Variants in CD22 observed in about 807,000 individuals in gnomAD.
The protein encoded by CD22 is B-cell receptor CD22.
A neutral mutation model predicts 94.7 loss-of-function variants in CD22; 51 were observed. The observed-to-expected ratio is 0.54, with a 90% CI of 0.43 to 0.68. CD22 has a LOEUF of 0.68. Ranked by LOEUF, CD22 falls within the 30% of genes least tolerant of loss-of-function variation. CD22 has a pLI of 0.00. For missense variants in CD22, 931 were observed against 1,060.4 expected, an observed-to-expected ratio of 0.88 and a Z score of 1.69; for synonymous variants, 424 against 422.5, an observed-to-expected ratio of 1.00 and a Z score of -0.04.
At position 35,341,169 on chromosome 19, in the gene CD22, G is replaced by A. The variant is rs746831747; in HGVS notation, c.1507+31G>A. 1 of 1,612,572 alleles carries A rather than the reference G, an allele frequency of 6.2e-7. No individual in the cohort carries two copies. Among genetic ancestry groups the A allele is most frequent in the Non-Finnish European group, 8.5e-7 (1 of 1,178,706 alleles). On this transcript the variant is annotated intron_variant, in intron 7 of 13. Transcript: ENST00000085219. The surrounding 1 kb of genome is among the most constrained non-coding windows in gnomAD (Gnocchi z 4.0). ...TCCCTGGGCTAGGCAGGGGGATCTGGGAGGTGGCCCGGCTGGGATGAGGGG... is the reference window on the plus strand; with the variant it reads ...TCCCTGGGCTAGGCAGGGGGATCTGAGAGGTGGCCCGGCTGGGATGAGGGG...
At chr19:35,343,054 T>C (rs939553507) in intron 9 of CD22, among the ~76,000 whole-genome samples, 1 of 151,230 alleles carries the variant, frequency 6.6e-6, no homozygotes, top group African/African-American at 2.4e-5. Context: ...CGCCTCGGCC[T>C]TCCAAAGTGC....
Position 35,341,124 on chromosome 19 carries a change from C to T in CD22, c.1493C>T (p.Ala498Val). 6.2e-7 allele frequency: 1 copy of T among 1,614,166 alleles called. No homozygotes were observed. The highest frequency in any genetic ancestry group is 8.5e-7 in the Non-Finnish European group (1 of 1,180,026). ...NSWCSWASPVALNVQYAPRDV... is the reference protein window; with the variant it reads ...NSWCSWASPVVLNVQYAPRDV... ...TGGTGCTCGTGGGCCTCCCCTGTCG[C>T]CCTGAATGTCCAGTGTGAGTCCCTG... Residue 498 changes from alanine (A) to valine (V), a missense_variant, in exon 7 of 14, where the codon GCC becomes GTC. Coordinates refer to ENST00000085219, the MANE Select transcript of CD22 (RefSeq NM_001771.4). The surrounding 1 kb of genome is among the most constrained non-coding windows in gnomAD (Gnocchi z 4.0).
chr19:35,335,233 G>C (rs961046421), intron 3 of CD22, among the ~76,000 whole-genome samples: 1 of 148,914 alleles, frequency 6.7e-6, no homozygotes, highest in Non-Finnish European at 1.5e-5. Context: ...AGGGGATTTC[G>C]GGTGAGCAAA....
Position 35,341,684 on chromosome 19 carries a change from C to T in CD22, c.1772-18C>T, listed in dbSNP as rs376242226. 11 of 1,606,922 alleles carry T rather than the reference C, an allele frequency of 6.8e-6. No homozygotes were observed. The highest frequency in any genetic ancestry group is 1.1e-5 in the South Asian group (1 of 90,844). ...CCTGGTAGTGACTTCGCACCCCCTCCCCCTGCCCGCCATGCAGATGCACCC... is the reference window on the plus strand; with the variant it reads ...CCTGGTAGTGACTTCGCACCCCCTCTCCCTGCCCGCCATGCAGATGCACCC... On this transcript the variant is annotated intron_variant, in intron 8 of 13. Transcript: ENST00000085219. The surrounding 1 kb of genome is among the most constrained non-coding windows in gnomAD (Gnocchi z 4.0).
rs1445754345 is a variant in CD22, at chr19:35,341,592, C to T, written c.1757C>T (p.Thr586Ile). 1.2e-6 allele frequency: 2 copies of T among 1,611,682 alleles called. No individual in the cohort carries two copies. The highest frequency in any genetic ancestry group is 1.7e-5 in the Admixed American group (1 of 59,992). Residue 586 changes from threonine (T) to isoleucine (I), a missense_variant, in exon 8 of 14, where the codon ACA (threonine) becomes ATA (isoleucine). Physicochemically the swap from Thr to Ile is moderately conservative, Grantham distance 89 (BLOSUM62 -1). Transcript: ENST00000085219. This position sits in a 1 kb window ranked among gnomAD's most constrained non-coding sequence, Gnocchi z 4.0. ...SIGQTASKAW[T>I]LEVLYAPRRL... The stretch of plus-strand genomic sequence containing the variant: ...GGACAGACAGCGTCCAAGGCCTGGA[C>T]ACTTGAAGTGCTGTGTGAGTGAGGG...
At position 35,338,258 on chromosome 19, in the gene CD22, C is replaced by A; in HGVS notation, c.1076C>A (p.Pro359His). The A allele has an allele frequency of 2.5e-6, 4 of 1,614,260 alleles. No individual in the cohort carries two copies. The highest frequency in any genetic ancestry group is 3.4e-6 in the Non-Finnish European group (4 of 1,180,046). ...TTTCTTTGCATGTCACTGGCCAATC[C>A]TCTTCCAACAAATTACACGTGGTAC... is the stretch of plus-strand genomic sequence containing the variant. Reference protein sequence around the residue: ...VEFLCMSLANPLPTNYTWYHN... With the variant: ...VEFLCMSLANHLPTNYTWYHN... The change falls in exon 6 of 14, where the codon CCT (proline) becomes CAT (histidine). Residue 359 changes from proline to histidine, a missense_variant. By Grantham distance (77) the Pro-to-His change is moderately conservative. Coordinates refer to ENST00000085219, the MANE Select transcript of CD22 (RefSeq NM_001771.4).
In CD22 at chr19:35,341,367, G is replaced by A. The variant is rs778982185; in HGVS notation, c.1532G>A (p.Arg511Gln). 7.4e-6 allele frequency: 12 copies of A among 1,613,548 alleles called. No individual in the cohort carries two copies. Among genetic ancestry groups the A allele is most frequent in the Admixed American group, 5.0e-5 (3 of 59,946 alleles). ...GATGCCCCCCGAGACGTGAGGGTCC[G>A]GAAAATCAAGCCCCTTTCCGAGATT... Reference protein sequence around the residue: ...VQYAPRDVRVRKIKPLSEIHS... With the variant: ...VQYAPRDVRVQKIKPLSEIHS... The change falls in exon 8 of 14, where the codon CGG (arginine) becomes CAG (glutamine). Residue 511 changes from arginine (R) to glutamine (Q), a missense_variant. Arg to Gln is a conservative substitution (Grantham distance 43). Transcript: ENST00000085219. This position sits in a 1 kb window ranked among gnomAD's most constrained non-coding sequence, Gnocchi z 4.0.
Position 35,341,935 on chromosome 19 carries a change from C to T in CD22, c.2005C>T (p.Arg669Cys), listed in dbSNP as rs749980313. The T allele has an allele frequency of 2.7e-5, 43 of 1,613,484 alleles. No individual in the cohort carries two copies. Among genetic ancestry groups the T allele is most frequent in the East Asian group, 4.5e-5 (2 of 44,878 alleles). Residue 669 changes from arginine (R) to cysteine (C), a missense_variant, in exon 9 of 14, where the codon CGT becomes TGT. Physicochemically the swap from Arg to Cys is radical, Grantham distance 180. Transcript: ENST00000085219. The surrounding 1 kb of genome is among the most constrained non-coding windows in gnomAD (Gnocchi z 4.0). ...CQGTNSVGKG[R>C]SPLSTLTVYY... The stretch of plus-strand genomic sequence containing the variant: ...GGGGACCAACAGTGTGGGCAAGGGC[C>T]GTTCGCCTCTCAGCACCCTCACCGT...
At chr19:35,346,099 G>A (rs1292099075) in intron 12 of CD22, 52 bp from the exon 13 acceptor site, 1 of 1,370,518 alleles carries the variant, frequency 7.3e-7, no homozygotes, top group South Asian at 1.2e-5. Flanking sequence ...AGAGGGAGGA[G>A]AGTTCGTGGG....
chr19:35,347,232 G>T lies in CD22; in HGVS notation c.*535G>T, dbSNP rs4805121. On this transcript the variant is annotated 3_prime_UTR_variant, in exon 14 of 14. Transcript: ENST00000085219. ...CTCCTTTGGAAGTGAGGCATTGCAC[G>T]GGGAGACGTACGTATCAGCGGCCCC... 1.3e-5 allele frequency: 2 copies of T among 153,390 alleles called. No individual in the cohort carries two copies. The highest frequency in any genetic ancestry group is 4.8e-5 in the African/African-American group (2 of 41,424). The allele number at this position is 153,390 out of a possible 1,614,324, so 9.5% of individuals were successfully genotyped here. A position where few individuals can be genotyped will look rare whatever the true frequency, so the allele number is the denominator to read the frequency against.
At position 35,346,887 on chromosome 19, in the gene CD22, G is replaced by A; in HGVS notation, c.*190G>A. 1.7e-6 allele frequency: 1 copy of A among 604,454 alleles called. No individual in the cohort carries two copies. Among genetic ancestry groups the A allele is most frequent in the Non-Finnish European group, 2.8e-6 (1 of 359,788 alleles). 37.4% of individuals were successfully genotyped at this position (604,454 alleles called of 1,614,324 possible). On this transcript the variant is annotated 3_prime_UTR_variant, in exon 14 of 14. Coordinates refer to ENST00000085219, the MANE Select transcript of CD22 (RefSeq NM_001771.4). ...GCTCAGAGCCAGTCTTTTTGGTGAG[G>A]GTAACCCCAAACCTCCAAAACTCCT...
chr19:35,346,831 C>T lies in CD22; in HGVS notation c.*134C>T, dbSNP rs932397606. ...ACACACACACACGCACACACACACA[C>T]ACACACTCACTGCGGAGAACCTTGT... On this transcript the variant is annotated 3_prime_UTR_variant, in exon 14 of 14. Transcript: ENST00000085219. 1.5e-5 allele frequency: 13 copies of T among 860,110 alleles called. No individual in the cohort carries two copies. The highest frequency in any genetic ancestry group is 2.3e-5 in the Non-Finnish European group (13 of 571,522). The allele number at this position is 860,110 out of a possible 1,614,324, so 53.3% of individuals were successfully genotyped here.
In CD22 at chr19:35,346,863, C is replaced by T; in HGVS notation, c.*166C>T. ...TCACTGCGGAGAACCTTGTGCCTGG[C>T]TCAGAGCCAGTCTTTTTGGTGAGGG... On this transcript the variant is annotated 3_prime_UTR_variant, in exon 14 of 14. Coordinates refer to ENST00000085219, the MANE Select transcript of CD22 (RefSeq NM_001771.4). 1.4e-6 allele frequency: 1 copy of T among 716,962 alleles called. No homozygotes were observed. Among genetic ancestry groups the T allele is most frequent in the Non-Finnish European group, 2.2e-6 (1 of 454,630 alleles). 44.4% of individuals were successfully genotyped at this position (716,962 alleles called of 1,614,324 possible).
Position 35,329,210 on chromosome 19 carries a change from A to T in CD22, c.-43A>T, listed in dbSNP as rs757951777. 15 of 1,289,566 alleles carry T rather than the reference A, an allele frequency of 1.2e-5. No individual in the cohort carries two copies. In the African/African-American group the frequency reaches 2.1e-4, roughly 18 times the overall value. The allele number at this position is 1,289,566 out of a possible 1,614,324, so 79.9% of individuals were successfully genotyped here. A position where few individuals can be genotyped will look rare whatever the true frequency, so the allele number is the denominator to read the frequency against. On this transcript the variant is annotated 5_prime_UTR_variant, in exon 1 of 14. Coordinates refer to ENST00000085219, the MANE Select transcript of CD22 (RefSeq NM_001771.4). The stretch of plus-strand genomic sequence containing the variant: ...TCAGATGCTGCCAGGGTCCCTGAAG[A>T]GGGAAGACACGCGGAAACAGGTAAA...
At chr19:35,342,635 T>C (rs974570710) in intron 9 of CD22, among the ~76,000 whole-genome samples, 1 of 152,048 alleles carries the variant, frequency 6.6e-6, no homozygotes, top group Non-Finnish European at 1.5e-5. Context: ...TTGTCCTGCG[T>C]CACCAGTCTC....
chr19:35,333,717 A>G (rs1388489647), intron 3 of CD22, among the ~76,000 whole-genome samples: 2 of 152,092 alleles, frequency 1.3e-5, no homozygotes, highest in African/African-American at 4.8e-5. Flanking sequence ...ATGCCCAGCT[A>G]ACTTTTTAAT....
chr19:35,335,907 G>C (rs1262527255), intron 3 of CD22, 129 bp from the exon 4 acceptor site: 14 of 728,584 alleles, frequency 1.9e-5, no homozygotes, highest in Non-Finnish European at 3.3e-5. Flanking sequence ...AACAAAGCAG[G>C]ACTGGAGAGA....
intron 6 of CD22, among the ~76,000 whole-genome samples, chr19:35,340,656 T>C (rs1421937099): frequency 1.3e-5 from 2 of 152,234 alleles, no homozygotes; most frequent in Non-Finnish European, 2.9e-5. Flanking sequence ...CCGTCTGGCT[T>C]CAGCGCTGTG....
chr19:35,341,386 C>T lies in CD22; in HGVS notation c.1551C>T (p.Ser517=), dbSNP rs778429110. The part of the protein sequence containing the change: ...DVRVRKIKPL[S]EIHSGNSVSL... The stretch of plus-strand genomic sequence containing the variant: ...GGGTCCGGAAAATCAAGCCCCTTTC[C>T]GAGATTCACTCTGGAAACTCGGTCA... Residue 517 remains serine (S), a synonymous_variant, in exon 8 of 14, where the codon TCC becomes TCT. Coordinates refer to ENST00000085219, the MANE Select transcript of CD22 (RefSeq NM_001771.4). This position sits in a 1 kb window ranked among gnomAD's most constrained non-coding sequence, Gnocchi z 4.0. 72 of 1,613,740 alleles carry T rather than the reference C, an allele frequency of 4.5e-5. No individual in the cohort carries two copies. Among genetic ancestry groups the T allele is most frequent in the South Asian group, 1.6e-4 (15 of 91,070 alleles).
Sources: gnomAD v4.1 joint callset for allele counts (sites outside exome capture counted in the v4.1 genomes callset) on GRCh38, gnomAD v4.1.1 for gene constraint, Gnocchi (gnomAD v3.1) non-coding constraint, MANE v1.5 for transcripts, NCBI Gene and HGNC (gene_info 2026-07-23, HGNC 2026-07-21) for gene names.